Variants in SLC8A1 observed in about 807,000 individuals in gnomAD.
The protein encoded by SLC8A1 is sodium/calcium exchanger 1.
SLC8A1 carries 18 observed loss-of-function variants against 68.3 expected under a neutral mutation model. The observed-to-expected ratio is 0.26, with a 90% CI of 0.18 to 0.39. SLC8A1 has a LOEUF of 0.39. Among genes scored for constraint, SLC8A1 ranks in the 10% least tolerant of loss-of-function variants. SLC8A1 has a pLI of 1.00. For synonymous variants in SLC8A1, 475 were observed against 415.5 expected (o/e 1.14, Z -1.74); for missense variants, 985 against 1,156.7 (o/e 0.85, Z 2.15).
At chr2:40,386,106 T>C (rs1011731500) in intron 2 of SLC8A1, among the ~76,000 whole-genome samples, 8 of 151,354 alleles carry the variant, frequency 5.3e-5, no homozygotes, top group Admixed American at 5.2e-4. Flanking sequence ...TGGAGTATGC[T>C]TACAATACAA....
chr2:40,507,682 T>C (rs961214236), intron 1 of SLC8A1, among the ~76,000 whole-genome samples: 1 of 152,094 alleles, frequency 6.6e-6, no homozygotes, highest in Non-Finnish European at 1.5e-5. Flanking sequence ...CTTAGGCATA[T>C]TATTTAACTT....
At chr2:40,181,171 G>T (rs2049473451) in intron 2 of SLC8A1, among the ~76,000 whole-genome samples, 1 of 152,088 alleles carries the variant, frequency 6.6e-6, no homozygotes. Context: ...TGTTGGCCAG[G>T]CTGGTCTGGA....
intron 6 of SLC8A1, among the ~76,000 whole-genome samples, chr2:40,151,667 TAA>T (rs1186304967): frequency 6.6e-6 from 1 of 152,032 alleles, no homozygotes; most frequent in African/African-American, 2.4e-5. Flanking sequence ...ACACGTAGAT[TAA>T]AAAAAGACTG....
intron 2 of SLC8A1, among the ~76,000 whole-genome samples, chr2:40,267,340 A>C (rs1413699975): frequency 6.6e-6 from 1 of 152,210 alleles, no homozygotes; most frequent in East Asian, 1.9e-4. Context: ...CTAGAAAGTT[A>C]GTAACATATA....
chr2:40,233,298 G>C (rs1292211255), intron 2 of SLC8A1, among the ~76,000 whole-genome samples: 3 of 152,190 alleles, frequency 2.0e-5, no homozygotes, highest in African/African-American at 7.2e-5. Flanking sequence ...ATTCTAACTG[G>C]TGTGAGATGG....
chr2:40,389,107 G>C, intron 2 of SLC8A1, among the ~76,000 whole-genome samples: 1 of 152,150 alleles, frequency 6.6e-6, no homozygotes, highest in East Asian at 1.9e-4. Context: ...GAGTGTGTGT[G>C]TGTAAATAAA....
At chr2:40,146,113 T>C (rs960592037) in intron 6 of SLC8A1, among the ~76,000 whole-genome samples, 4 of 152,222 alleles carry the variant, frequency 2.6e-5, no homozygotes, top group Non-Finnish European at 5.9e-5. Flanking sequence ...CTATCAACGA[T>C]AGCTCAGAAA....
upstream of SLC8A1, among the ~76,000 whole-genome samples, chr2:40,452,640 C>T (rs919266590): frequency 6.6e-6 from 1 of 151,918 alleles, no homozygotes; most frequent in African/African-American, 2.4e-5. Context: ...TTTCTTTTAG[C>T]AAAAGGATCT....
At chr2:40,381,808 G>C (rs958243667) in intron 2 of SLC8A1, among the ~76,000 whole-genome samples, 1 of 150,814 alleles carries the variant, frequency 6.6e-6, no homozygotes, top group Admixed American at 6.7e-5. Context: ...TCTGGACAAA[G>C]AGAAGCCACA....
intron 2 of SLC8A1, among the ~76,000 whole-genome samples, chr2:40,380,297 C>T (rs1428069258): frequency 6.6e-6 from 1 of 152,160 alleles, no homozygotes; most frequent in East Asian, 1.9e-4. Flanking sequence ...AGGCCCTTGC[C>T]TTCACAGTCT....
In SLC8A1 at chr2:40,361,887, C is replaced by CTTTTTT. The variant is rs1172909749; in HGVS notation, c.1808+66580_1808+66585dup. On this transcript the variant is annotated intron_variant, in intron 2 of 7. Transcript: ENST00000406785. ...GTCAGATGTTTATATCTTTTCTTTC[C>CTTTTTT]TTTTTTTTTTTTTTTTTTTTTTTTT... 1.5e-3 allele frequency among the ~76,000 whole-genome samples: 82 copies of CTTTTTT among 53,138 alleles called. 10 individuals are homozygous for CTTTTTT. The highest frequency in any genetic ancestry group is 1.8e-3 in the Non-Finnish European group (56 of 30,454). 34.9% of individuals were successfully genotyped at this position (53,138 alleles called of 152,430 possible). A position where few individuals can be genotyped will look rare whatever the true frequency, so the allele number is the denominator to read the frequency against.
intron 7 of SLC8A1, chr2:40,117,076 C>A (rs1488594517): frequency 2.0e-5 from 3 of 152,106 alleles, no homozygotes; most frequent in African/African-American, 4.8e-5. Context: ...GCTTTTGATG[C>A]TTTTTGGCAC....
chr2:40,403,685 T>G (rs1689437810), intron 2 of SLC8A1, among the ~76,000 whole-genome samples: 1 of 152,340 alleles, frequency 6.6e-6, no homozygotes, highest in African/African-American at 2.4e-5. Context: ...CTCAGCTAAC[T>G]TGAATTTCAA....
intron 2 of SLC8A1, among the ~76,000 whole-genome samples, chr2:40,268,147 G>A (rs1486764562): frequency 6.6e-6 from 1 of 152,116 alleles, no homozygotes; most frequent in African/African-American, 2.4e-5. Flanking sequence ...ACAGTGAAGA[G>A]CCAGAATTCC....
Position 40,177,597 on chromosome 2 carries a change from A to G in SLC8A1, c.1912+155T>C, listed in dbSNP as rs556616054. ...TGGGCGTTGCCTGTTGCACTTGTGA[A>G]TTAGGGAAGGGAAATGAAATTGCTA... On this transcript the variant is annotated intron_variant, in intron 3 of 7. Transcript: ENST00000406785. Among the ~76,000 whole-genome samples, 12 of 152,302 alleles carry G rather than the reference A, an allele frequency of 7.9e-5. No individual in the cohort carries two copies. The East Asian group carries it at 1.9e-3, about 25-fold the overall frequency.
At chr2:40,158,831 T>G (rs1239509820) in intron 6 of SLC8A1, among the ~76,000 whole-genome samples, 4 of 152,138 alleles carry the variant, frequency 2.6e-5, no homozygotes, top group Admixed American at 2.0e-4. Flanking sequence ...ACACAACATA[T>G]GAAAGTGTTT....
chr2:40,239,980 C>T (rs1028905776), intron 2 of SLC8A1, among the ~76,000 whole-genome samples: 2 of 152,152 alleles, frequency 1.3e-5, no homozygotes, highest in African/African-American at 4.8e-5. Context: ...AATCCGAAGT[C>T]ATGTGAATGA....
intron 2 of SLC8A1, among the ~76,000 whole-genome samples, chr2:40,364,758 A>C (rs1675597284): frequency 6.6e-6 from 1 of 152,094 alleles, no homozygotes; most frequent in African/African-American, 2.4e-5. Context: ...CCTCCTGGAA[A>C]GCCCTTACTT....
chr2:40,356,956 C>T (rs1672846331), intron 2 of SLC8A1, among the ~76,000 whole-genome samples: 1 of 152,208 alleles, frequency 6.6e-6, no homozygotes, highest in Admixed American at 6.5e-5. Context: ...CACCAACCAT[C>T]TTGCCCTATT....
Sources: allele counts gnomAD v4.1 joint callset (sites outside exome capture counted in the v4.1 genomes callset), GRCh38; gene constraint gnomAD v4.1.1; transcripts MANE v1.5; gene names NCBI Gene and HGNC (gene_info 2026-07-23, HGNC 2026-07-21).